The following ATP2B2 variants were observed in gnomAD, a reference collection of about 807,000 sequenced individuals.
ATP2B2 encodes plasma membrane calcium-transporting ATPase 2.
A neutral mutation model predicts 120.0 loss-of-function variants in ATP2B2; 15 were observed. The observed-to-expected ratio is 0.12, with a 90% CI of 0.08 to 0.19. ATP2B2 has a LOEUF of 0.19. Among genes scored for constraint, ATP2B2 ranks in the 10% least tolerant of loss-of-function variants. The pLI is 1.00. For synonymous variants in ATP2B2, 694 were observed against 700.3 expected (o/e 0.99, Z 0.14); for missense variants, 1,045 against 1,719.8 (o/e 0.61, Z 6.94).
intron 2 of ATP2B2, among the ~76,000 whole-genome samples, chr3:10,585,985 A>G (rs1256451643): frequency 6.6e-6 from 1 of 152,194 alleles, no homozygotes; most frequent in Non-Finnish European, 1.5e-5. Context: ...GGCAAATAGT[A>G]GGTTTTCAAT....
At chr3:10,428,768 C>G (rs1352031342) in intron 2 of ATP2B2, among the ~76,000 whole-genome samples, 2 of 152,186 alleles carry the variant, frequency 1.3e-5, no homozygotes, top group Non-Finnish European at 2.9e-5. Flanking sequence ...TCCAGCCACG[C>G]CTACCCTGGC....
chr3:10,635,493 G>A lies in ATP2B2; in HGVS notation c.-459-15532C>T, dbSNP rs901941425. Among the ~76,000 whole-genome samples, 12 of 152,036 alleles carry A rather than the reference G, an allele frequency of 7.9e-5. No homozygotes were observed. Among genetic ancestry groups the A allele is most frequent in the African/African-American group, 2.7e-4 (11 of 41,406 alleles). ...GGTGAAATTTCTCCATCCTGCTTAC[G>A]TGCCAGAGACTCTAAAGCCCATCCT... On this transcript the variant is annotated intron_variant, in intron 1 of 21. Transcript: ENST00000646379. This position sits in a 1 kb window ranked among gnomAD's most constrained non-coding sequence, Gnocchi z 4.3.
chr3:10,555,884 G>C (rs1272278588), intron 2 of ATP2B2, among the ~76,000 whole-genome samples: 2 of 152,192 alleles, frequency 1.3e-5, no homozygotes, highest in Non-Finnish European at 2.9e-5. Flanking sequence ...TTCTTTGTGA[G>C]AGACAGGTCA....
chr3:10,705,175 A>G (rs1475455154), intron 1 of ATP2B2, among the ~76,000 whole-genome samples: 1 of 152,206 alleles, frequency 6.6e-6, no homozygotes, highest in Non-Finnish European at 1.5e-5. Context: ...TTTGCTCTCT[A>G]CCTACAGAAC....
chr3:10,690,266 A>G (rs1427820213), intron 1 of ATP2B2, among the ~76,000 whole-genome samples: 1 of 152,206 alleles, frequency 6.6e-6, no homozygotes, highest in African/African-American at 2.4e-5. Context: ...CACAACATCC[A>G]ATCCACTGCG....
intron 3 of ATP2B2, among the ~76,000 whole-genome samples, chr3:10,408,874 C>T (rs1480524563): frequency 6.6e-6 from 1 of 150,464 alleles, no homozygotes; most frequent in Non-Finnish European, 1.5e-5. Flanking sequence ...AGTCCTGTCC[C>T]TCTCTGAGGA....
At chr3:10,609,219 T>C (rs1446165833) in intron 2 of ATP2B2, among the ~76,000 whole-genome samples, 1 of 151,796 alleles carries the variant, frequency 6.6e-6, no homozygotes, top group Non-Finnish European at 1.5e-5. Flanking sequence ...AGGCAAGCTG[T>C]AACCCAGGAG....
rs768261203 is a variant in ATP2B2, at chr3:10,375,530, T to A, written c.1316A>T (p.Tyr439Phe). 1.2e-6 allele frequency: 2 copies of A among 1,613,680 alleles called. No individual in the cohort carries two copies. The highest frequency in any genetic ancestry group is 2.2e-5 in the South Asian group (2 of 91,078). Residue 439 changes from tyrosine (Y) to phenylalanine (F), a missense_variant, in exon 11 of 23, where the codon TAC (tyrosine) becomes TTC (phenylalanine). Transcript: ENST00000360273. This position sits in a 1 kb window ranked among gnomAD's most constrained non-coding sequence, Gnocchi z 4.2. ...GCCAATGATGAAGAACTTGACAAAGTACTGCACGTAGACGGGCGTGCACTC... is the reference window on the plus strand; with the variant it reads ...GCCAATGATGAAGAACTTGACAAAGAACTGCACGTAGACGGGCGTGCACTC... ...LPECTPVYVQ[Y>F]FVKFFIIGVT...
intron 2 of ATP2B2, among the ~76,000 whole-genome samples, chr3:10,535,390 T>TGTGTGC (rs1249337544): frequency 7.3e-6 from 1 of 137,010 alleles, no homozygotes; most frequent in African/African-American, 3.1e-5. Context: ...GTTTGATGTG[T>TGTGTGC]GTGTGTGTGT....
chr3:10,378,574 G>A lies in ATP2B2; in HGVS notation c.1043-164C>T, dbSNP rs531868355. Among the ~76,000 whole-genome samples the A allele has an allele frequency of 5.9e-5, 9 of 152,310 alleles. No homozygotes were observed. The South Asian group carries it at 1.9e-3, about 32-fold the overall frequency. On this transcript the variant is annotated intron_variant, in intron 9 of 22. Coordinates refer to ENST00000360273, the MANE Select transcript of ATP2B2 (RefSeq NM_001001331.4). ...GCTGGTGCAGAAGTCCTGTGATGGG[G>A]GCCTGCCTCTTCCAGCCGGAGCTAT...
intron 1 of ATP2B2, among the ~76,000 whole-genome samples, chr3:10,483,911 A>G (rs925042168): frequency 2.3e-4 from 33 of 144,146 alleles, no homozygotes; most frequent in Non-Finnish European, 3.7e-4. Flanking sequence ...CCAGAGGCCC[A>G]GGGATCAAGG....
chr3:10,645,409 C>A (rs1252728625), intron 1 of ATP2B2, among the ~76,000 whole-genome samples: 1 of 152,122 alleles, frequency 6.6e-6, no homozygotes, highest in Non-Finnish European at 1.5e-5. Flanking sequence ...CAGGGCTTAT[C>A]AGAGAGTGTC....
intron 1 of ATP2B2, among the ~76,000 whole-genome samples, chr3:10,648,723 C>T (rs2070381371): frequency 6.6e-6 from 1 of 152,184 alleles, no homozygotes; most frequent in Admixed American, 6.5e-5. Context: ...CTGGGAGAAA[C>T]TCCAAGAGCT....
chr3:10,599,177 C>T (rs2125589277), intron 2 of ATP2B2, among the ~76,000 whole-genome samples: 1 of 152,336 alleles, frequency 6.6e-6, no homozygotes, highest in South Asian at 2.1e-4. Flanking sequence ...GCTCCCTGCC[C>T]CTGCTGAATA....
rs1255501887 is a variant in ATP2B2 at position 10,530,706 on chromosome 3, G to A, written c.-320+3333C>T. Among the ~76,000 whole-genome samples the A allele has an allele frequency of 6.6e-5, 10 of 152,306 alleles. No individual in the cohort carries two copies. In the East Asian group the frequency reaches 1.9e-3, roughly 29 times the overall value. On this transcript the variant is annotated intron_variant, in intron 3 of 21. Transcript: ENST00000646379. ...AAGTCCTTTTAAAGCCCTACTTTGT[G>A]CCAATTTCCACCTTTTACAAAGGGC...
chr3:10,482,251 T>C (rs2065444816), intron 1 of ATP2B2, among the ~76,000 whole-genome samples: 1 of 152,180 alleles, frequency 6.6e-6, no homozygotes, highest in African/African-American at 2.4e-5. Context: ...GCCCCCATTT[T>C]ACTGATAAGA....
In ATP2B2 at chr3:10,350,476, G is replaced by A. The variant is rs753748057; in HGVS notation, c.2238C>T (p.Gly746=). ...GAAAGTCCTCCCCAGGATGGATGAT[G>A]CCACACTTGATGGCGATGGCCCGAG... The part of the protein sequence containing the change: ...NTARAIAIKC[G]IIHPGEDFLC... Residue 746 remains glycine, a synonymous_variant, in exon 15 of 23, where the codon GGC becomes GGT. Transcript: ENST00000360273. 1 of 1,614,244 alleles carries A rather than the reference G, an allele frequency of 6.2e-7. No individual in the cohort carries two copies. Among genetic ancestry groups the A allele is most frequent in the Admixed American group, 1.7e-5 (1 of 60,030 alleles).
At chr3:10,336,882 G>A (rs1017674378) in intron 22 of ATP2B2, among the ~76,000 whole-genome samples, 2 of 152,220 alleles carry the variant, frequency 1.3e-5, no homozygotes, top group African/African-American at 2.4e-5. Flanking sequence ...TCAAGAAATC[G>A]CAGTCCTTGC....
chr3:10,397,876 T>A (rs1315850392), intron 5 of ATP2B2, among the ~76,000 whole-genome samples: 1 of 152,114 alleles, frequency 6.6e-6, no homozygotes, highest in Admixed American at 6.5e-5. Flanking sequence ...CTGATAATGG[T>A]CCCAACTGTT....
Sources: gnomAD v4.1 joint callset for allele counts (sites outside exome capture counted in the v4.1 genomes callset) on GRCh38, gnomAD v4.1.1 for gene constraint, Gnocchi (gnomAD v3.1) non-coding constraint, MANE v1.5 for transcripts, NCBI Gene and HGNC (gene_info 2026-07-23, HGNC 2026-07-21) for gene names.